FMN1: variants seen among roughly 807,000 people sequenced by gnomAD.
FMN1 encodes the protein formin-1.
Under a neutral mutation model 132.4 loss-of-function variants are expected in FMN1, and 110 were observed. That is an observed-to-expected ratio of 0.83 (90% CI 0.71 to 0.97). The LOEUF is 0.97. FMN1 is among the 50% of genes least tolerant of loss of function. The pLI is 0.00. For synonymous variants in FMN1, 722 were observed against 651.7 expected, an observed-to-expected ratio of 1.11 and a Z score of -1.64; for missense variants, 1,792 against 1,705.3, an observed-to-expected ratio of 1.05 and a Z score of -0.90.
At chr15:33,106,274 CCACACACACACACACACACACGCA>C (rs2039480913) in intron 4 of FMN1, 1 of 149,372 alleles carries the variant, frequency 6.7e-6, no homozygotes, top group Non-Finnish European at 1.5e-5. Flanking sequence ...TAACCAGAAT[CCACACACACACACACACACACGCA>C]CGCACACACA....
At chr15:33,078,854 T>TA (rs1406722929) in intron 5 of FMN1, among the ~76,000 whole-genome samples, 2 of 152,132 alleles carry the variant, frequency 1.3e-5, no homozygotes, top group African/African-American at 2.4e-5. Context: ...ATAAATGACG[T>TA]ACGTAGCAAG....
intron 6 of FMN1, chr15:33,012,398 C>T (rs2034779700): frequency 1.1e-6 from 1 of 917,806 alleles, no homozygotes; most frequent in Non-Finnish European, 1.8e-6. Context: ...TAAGAAGATT[C>T]TCAAAGACCA....
At chr15:32,926,544 A>C (rs1483163165) in intron 9 of FMN1, among the ~76,000 whole-genome samples, 1 of 152,214 alleles carries the variant, frequency 6.6e-6, no homozygotes, top group African/African-American at 2.4e-5. Context: ...CTCAAGTACA[A>C]AGTTATACCA....
intron 9 of FMN1, among the ~76,000 whole-genome samples, chr15:32,928,369 A>C (rs2061017506): frequency 6.6e-6 from 1 of 152,210 alleles, no homozygotes; most frequent in African/African-American, 2.4e-5. Context: ...CTTCCTTAAA[A>C]ATGCAATTTC....
chr15:32,850,908 A>T (rs1471875325), intron 17 of FMN1, among the ~76,000 whole-genome samples: 1 of 152,050 alleles, frequency 6.6e-6, no homozygotes, highest in Non-Finnish European at 1.5e-5. Context: ...AATATCTCTA[A>T]TCTAGCCAGG....
At chr15:32,855,157 TAAAAAAAAAAA>T (rs750275479) in intron 17 of FMN1, among the ~76,000 whole-genome samples, 1,739 of 85,534 alleles carry the variant, frequency 0.02, 42 homozygotes, top group African/African-American at 0.067. Context: ...ACGTGGAGAG[TAAAAAAAAAAA>T]AAAAAAAAAA....
At chr15:32,847,258 T>C (rs1287005063) in intron 17 of FMN1, among the ~76,000 whole-genome samples, 2 of 151,580 alleles carry the variant, frequency 1.3e-5, no homozygotes, top group Admixed American at 1.3e-4. Flanking sequence ...TTCCATAACG[T>C]TGAAAAGATG....
chr15:32,836,535 C>T (rs930844549), intron 17 of FMN1, among the ~76,000 whole-genome samples: 17 of 152,158 alleles, frequency 1.1e-4, no homozygotes, highest in African/African-American at 4.1e-4. Context: ...TGCCCGCATG[C>T]TTTCTCCCCA....
chr15:33,174,937 T>C (rs1042272514), intron 3 of FMN1, among the ~76,000 whole-genome samples: 3 of 152,208 alleles, frequency 2.0e-5, no homozygotes, highest in African/African-American at 7.2e-5. Flanking sequence ...CAGGGCTAGA[T>C]AGGGAATTTG....
chr15:33,151,461 C>A, intron 4 of FMN1: 1 of 1,424,084 alleles, frequency 7.0e-7, no homozygotes, highest in Non-Finnish European at 9.5e-7. Context: ...CCTTGTCACT[C>A]AGTGGGCTCA....
chr15:32,840,700 G>T (rs1053944036), intron 17 of FMN1, among the ~76,000 whole-genome samples: 1 of 152,188 alleles, frequency 6.6e-6, no homozygotes, highest in African/African-American at 2.4e-5. Context: ...TAGCACAGGT[G>T]TCCAGGAGGG....
At chr15:33,086,761 A>C (rs1014514943) in intron 5 of FMN1, among the ~76,000 whole-genome samples, 4 of 152,178 alleles carry the variant, frequency 2.6e-5, no homozygotes, top group Non-Finnish European at 5.9e-5. Context: ...AAAACCAAAA[A>C]CTTTACTAAT....
intron 4 of FMN1, among the ~76,000 whole-genome samples, chr15:33,097,104 G>T (rs2039114355): frequency 6.6e-6 from 1 of 151,966 alleles, no homozygotes; most frequent in Admixed American, 6.6e-5. Flanking sequence ...GACCAGCCTT[G>T]GTGACATGGC....
At chr15:32,928,224 T>C (rs1192593302) in intron 9 of FMN1, among the ~76,000 whole-genome samples, 1 of 152,172 alleles carries the variant, frequency 6.6e-6, no homozygotes, top group South Asian at 2.1e-4. Flanking sequence ...TTTAAGCATG[T>C]CAATATTCGC....
intron 7 of FMN1, among the ~76,000 whole-genome samples, chr15:32,997,332 T>C (rs1409708614): frequency 6.6e-6 from 1 of 152,090 alleles, no homozygotes; most frequent in Admixed American, 6.5e-5. Flanking sequence ...TTTTTTTTTT[T>C]TTTTAATCAC....
At chr15:32,809,308 G>C (rs1177805502) in intron 17 of FMN1, among the ~76,000 whole-genome samples, 1 of 152,166 alleles carries the variant, frequency 6.6e-6, no homozygotes, top group Non-Finnish European at 1.5e-5. Flanking sequence ...ATGGTGACCT[G>C]TAACAGGTTC....
At chr15:32,780,613 T>C (rs73378978) in intron 19 of FMN1, among the ~76,000 whole-genome samples, 22,014 of 152,140 alleles carry the variant, frequency 0.14, 2,248 homozygotes, top group East Asian at 0.59. Context: ...CCCTGTACTC[T>C]ACAGACTCAC....
At chr15:32,870,822 C>T (rs921367994) in intron 16 of FMN1, among the ~76,000 whole-genome samples, 5 of 152,280 alleles carry the variant, frequency 3.3e-5, no homozygotes, top group East Asian at 1.9e-4. Flanking sequence ...CCACAAAAAT[C>T]GCCACCATGA....
intron 5 of FMN1, chr15:33,067,397 G>C (rs761345813): frequency 1.2e-6 from 2 of 1,613,858 alleles, no homozygotes; most frequent in African/African-American, 2.7e-5. Context: ...TGGGCCATTG[G>C]TGCTGCTTCC....
Sources: gnomAD v4.1 joint callset for allele counts (sites outside exome capture counted in the v4.1 genomes callset) on GRCh38, gnomAD v4.1.1 for gene constraint, MANE v1.5 for transcripts, NCBI Gene and HGNC (gene_info 2026-07-23, HGNC 2026-07-21) for gene names.